MAPK12: variants seen among roughly 807,000 people sequenced by gnomAD.
MAPK12 encodes MAP kinase 12.
MAPK12 carries 49 observed loss-of-function variants against 49.1 expected under a neutral mutation model. That is an observed-to-expected ratio of 1.00 (90% CI 0.79 to 1.27). MAPK12 has a LOEUF of 1.27. Ranked by LOEUF, MAPK12 falls within the 50% of genes most tolerant of loss-of-function variation. The probability of loss-of-function intolerance (pLI) is 0.00; values close to 1 mark genes in which losing one functional copy is unlikely to be tolerated. For missense variants in MAPK12, 554 were observed against 502.4 expected (o/e 1.10, Z -0.98); for synonymous variants, 251 against 209.7 (o/e 1.20, Z -1.70).
Position 50,259,319 on chromosome 22 carries a change from G to A in MAPK12, c.256-1018C>T, listed in dbSNP as rs561241138. 2.2e-4 allele frequency among the ~76,000 whole-genome samples: 34 copies of A among 152,220 alleles called. 2 individuals are homozygous for A. In the South Asian group the frequency reaches 6.0e-3, roughly 27 times the overall value. On this transcript the variant is annotated intron_variant, in intron 2 of 11. Transcript: ENST00000215659. Reference sequence around the variant, plus strand: ...CCGGGAGAGTGCTTTAGCAGAAGACGGAGAGCAGGGTCCTGTGGGCTAGGG... The same window carrying A: ...CCGGGAGAGTGCTTTAGCAGAAGACAGAGAGCAGGGTCCTGTGGGCTAGGG...
chr22:50,255,990 C>A, intron 7 of MAPK12, 95 bp downstream of exon 7: 1 of 1,500,252 alleles, frequency 6.7e-7, no homozygotes, highest in Admixed American at 1.8e-5. Context: ...AGCTCAACAG[C>A]CTCCCTGGGA....
Position 50,261,308 on chromosome 22 carries a change from A to C in MAPK12, c.126-12T>G. ...CGTCCACGGCCGAGCTGCGGGGCGG[A>C]CCGCTTAGCGGGAAGGCCGGGCACC... On this transcript the variant is annotated splice_polypyrimidine_tract_variant and intron_variant, in intron 1 of 11. Transcript: ENST00000215659. The C allele has an allele frequency of 3.5e-6, 5 of 1,416,934 alleles. No homozygotes were observed. Among genetic ancestry groups the C allele is most frequent in the Non-Finnish European group, 4.7e-6 (5 of 1,073,140 alleles). 87.8% of individuals were successfully genotyped at this position (1,416,934 alleles called of 1,614,324 possible).
intron 11 of MAPK12, 100 bp from the exon 12 acceptor site, chr22:50,253,580 G>A (rs961781613): frequency 5.7e-6 from 4 of 696,312 alleles, no homozygotes; most frequent in African/African-American, 5.3e-5. Context: ...GCCTCGTGGG[G>A]CCCTTCTCTA....
chr22:50,258,675 G>A (rs925635432), intron 2 of MAPK12, among the ~76,000 whole-genome samples: 5 of 152,272 alleles, frequency 3.3e-5, no homozygotes, highest in Non-Finnish European at 5.9e-5. Context: ...TGGGGACAGC[G>A]CTATGGAAAG....
chr22:50,258,443 C>T, intron 2 of MAPK12, 142 bp from the exon 3 acceptor site: 1 of 748,200 alleles, frequency 1.3e-6, no homozygotes. Context: ...CTGGCTCTGC[C>T]CACTGGCAGT....
At chr22:50,255,575 T>C (rs1470983079) in intron 9 of MAPK12, 40 bp downstream of exon 9, 9 of 1,611,392 alleles carry the variant, frequency 5.6e-6, no homozygotes, top group Non-Finnish European at 7.6e-6. Context: ...AAGGCCCAGG[T>C]CCGCCCCCAC....
intron 3 of MAPK12, 60 bp from the exon 4 acceptor site, chr22:50,257,253 C>G (rs2065160571): frequency 1.4e-6 from 2 of 1,387,354 alleles, no homozygotes; most frequent in Non-Finnish European, 2.0e-6. Flanking sequence ...CCCAGAGACC[C>G]ACCCAGCAGG....
chr22:50,255,657 C>G lies in MAPK12; in HGVS notation c.729G>C (p.Gly243=). The G allele has an allele frequency of 1.9e-6, 3 of 1,610,464 alleles. No homozygotes were observed. Among genetic ancestry groups the G allele is most frequent in the Non-Finnish European group, 2.5e-6 (3 of 1,179,690 alleles). ...GCTGCACAAACTCAGCCGGAGGCGT[C>G]CCCGTCACCTTCATGATCTCCTTCA... ...DQLKEIMKVT[G]TPPAEFVQRL... The change falls in exon 9 of 12, where the codon GGG becomes GGC. Residue 243 remains glycine (G), a synonymous_variant. Transcript: ENST00000215659.
chr22:50,261,134 G>A, intron 2 of MAPK12, 33 bp downstream of exon 2: 1 of 1,548,276 alleles, frequency 6.5e-7, no homozygotes, highest in Non-Finnish European at 8.7e-7. Flanking sequence ...CCGAGGCCGC[G>A]GCGCCTTCCC....
At position 50,252,945 on chromosome 22, in the gene MAPK12, C is replaced by A. The variant is rs2065113322; in HGVS notation, c.*456G>T. Reference sequence around the variant, plus strand: ...CTATTTCCTTCCAGCCACGCGGGCACCACACAGCTGATTTACATTCCAGGC... The same window carrying A: ...CTATTTCCTTCCAGCCACGCGGGCAACACACAGCTGATTTACATTCCAGGC... On this transcript the variant is annotated 3_prime_UTR_variant, in exon 12 of 12. Transcript: ENST00000215659. 2 of 256,152 alleles carry A rather than the reference C, an allele frequency of 7.8e-6. No individual in the cohort carries two copies. Among genetic ancestry groups the A allele is most frequent in the South Asian group, 8.1e-5 (2 of 24,774 alleles). The allele number at this position is 256,152 out of a possible 1,614,324, so 15.9% of individuals were successfully genotyped here.
At chr22:50,253,502 G>GGGGGGGGGCCCCCCCCCCCCC in intron 11 of MAPK12, 22 bp from the exon 12 acceptor site, 2 of 171,626 alleles carry the variant, frequency 1.2e-5, no homozygotes. Context: ...GGGGGGGCGG[G>GGGGGGGGGCCCCCCCCCCCCC]CACAACAGAG....
At position 50,261,530 on chromosome 22, in the gene MAPK12, A is replaced by G. The variant is rs2065214443; in HGVS notation, c.-21T>C. On this transcript the variant is annotated 5_prime_UTR_variant, in exon 1 of 12. Transcript: ENST00000215659. Reference sequence around the variant, plus strand: ...CTCATGGCAGGCCCGGGAGCTGCCCACCCCGCAGAGCCTGCGGGCGGTGCC... The same window carrying G: ...CTCATGGCAGGCCCGGGAGCTGCCCGCCCCGCAGAGCCTGCGGGCGGTGCC... The G allele has an allele frequency of 2.7e-6, 3 of 1,113,400 alleles. No individual in the cohort carries two copies. Among genetic ancestry groups the G allele is most frequent in the South Asian group, 2.6e-5 (1 of 38,236 alleles). 69.0% of individuals were successfully genotyped at this position (1,113,400 alleles called of 1,614,324 possible). A position where few individuals can be genotyped will look rare whatever the true frequency, so the allele number is the denominator to read the frequency against.
chr22:50,260,557 C>A (rs2065201182), intron 2 of MAPK12, among the ~76,000 whole-genome samples: 1 of 152,148 alleles, frequency 6.6e-6, no homozygotes, highest in African/African-American at 2.4e-5. Context: ...AGGATGGGCC[C>A]CCACAACGCA....
intron 2 of MAPK12, among the ~76,000 whole-genome samples, chr22:50,259,879 G>T (rs1198356064): frequency 6.6e-6 from 1 of 150,664 alleles, no homozygotes; most frequent in Non-Finnish European, 1.5e-5. Context: ...AGCGAAACTC[G>T]GTCTCAAAAG....
chr22:50,258,323 G>A (rs762984234), intron 2 of MAPK12, 22 bp from the exon 3 acceptor site: 2 of 1,610,010 alleles, frequency 1.2e-6, no homozygotes, highest in South Asian at 2.2e-5. Context: ...ACATAGGGTT[G>A]AGAATGCAGC....
intron 2 of MAPK12, among the ~76,000 whole-genome samples, chr22:50,259,554 G>A (rs1007375531): frequency 7.2e-5 from 11 of 152,286 alleles, no homozygotes; most frequent in Admixed American, 5.2e-4. Flanking sequence ...CAGGCACAGC[G>A]GAGATCCCAG....
chr22:50,258,010 C>T (rs1449535661), intron 3 of MAPK12: 6 of 732,462 alleles, frequency 8.2e-6, no homozygotes, highest in African/African-American at 3.5e-5. Flanking sequence ...AGGTGCCAGG[C>T]GTGGAGAGAG....
At chr22:50,255,413 C>A (rs548078767) in intron 10 of MAPK12, 40 bp downstream of exon 10, 1 of 1,612,768 alleles carries the variant, frequency 6.2e-7, no homozygotes, top group South Asian at 1.1e-5. Context: ...GGAGGCCCCA[C>A]ACTCCAGCAC....
chr22:50,261,046 C>T, intron 2 of MAPK12, 121 bp downstream of exon 2: 4 of 1,192,680 alleles, frequency 3.4e-6, no homozygotes, highest in Non-Finnish European at 3.3e-6. Flanking sequence ...ACCCACGGCC[C>T]GACCCCCGCC....
Sources: allele counts gnomAD v4.1 joint callset (sites outside exome capture counted in the v4.1 genomes callset), GRCh38; gene constraint gnomAD v4.1.1; transcripts MANE v1.5; gene names NCBI Gene and HGNC (gene_info 2026-07-23, HGNC 2026-07-21).